Variants in USP9X observed in about 807,000 individuals in gnomAD.
The protein encoded by USP9X is ubiquitin specific peptidase 9 X-linked.
A neutral mutation model predicts 190.3 loss-of-function variants in USP9X; 7 were observed. That is an observed-to-expected ratio of 0.04 (90% confidence interval 0.02 to 0.07). The LOEUF is 0.07. Ranked by LOEUF, USP9X falls within the 10% of genes least tolerant of loss-of-function variation. The pLI, the probability that USP9X is intolerant of heterozygous loss-of-function variation, is 1.00. For synonymous variants in USP9X, 645 were observed against 659.5 expected (o/e 0.98, Z 0.34); for missense variants, 1,010 against 1,916.9 (o/e 0.53, Z 8.83).
At chrX:41,157,264 T>C (rs949238367) in intron 14 of USP9X, among the ~76,000 whole-genome samples, 4 of 110,018 alleles carry the variant, frequency 3.6e-5, no homozygotes, top group African/African-American at 1.3e-4. Flanking sequence ...CTTGCTGGAG[T>C]GATTGAGAAG....
At chrX:41,091,308 G>T (rs1216759872) in intron 1 of USP9X, among the ~76,000 whole-genome samples, 2 of 111,728 alleles carry the variant, frequency 1.8e-5, no homozygotes, top group Non-Finnish European at 3.8e-5. Flanking sequence ...TGGCATACTG[G>T]CTTTAGGAAT....
intron 11 of USP9X, 49 bp from the exon 12 acceptor site, chrX:41,148,320 A>G: frequency 1.7e-6 from 2 of 1,163,390 alleles, no homozygotes; most frequent in South Asian, 1.8e-5. Flanking sequence ...CAATTTATGA[A>G]GTGGTGACTA....
At chrX:41,140,430 AG>A (rs2062412644) in intron 6 of USP9X, among the ~76,000 whole-genome samples, 1 of 111,630 alleles carries the variant, frequency 9.0e-6, no homozygotes, top group Non-Finnish European at 1.9e-5. Context: ...ACATTGGTAC[AG>A]ACAGACAGAA....
chrX:41,191,972 A>C (rs1028443120), intron 26 of USP9X, among the ~76,000 whole-genome samples: 2 of 110,841 alleles, frequency 1.8e-5, no homozygotes, highest in African/African-American at 6.6e-5. Context: ...CTTTTACTTC[A>C]TGTGTCTTTG....
chrX:41,193,728 T>G (rs190995172), intron 26 of USP9X, among the ~76,000 whole-genome samples: 41 of 110,999 alleles, frequency 3.7e-4, no homozygotes, highest in African/African-American at 1.3e-3. Flanking sequence ...GTCAGGAGGC[T>G]GAGGTGGGAA....
intron 1 of USP9X, among the ~76,000 whole-genome samples, chrX:41,107,856 T>G (rs763684284): frequency 2.7e-5 from 3 of 112,345 alleles, no homozygotes; most frequent in Non-Finnish European, 5.6e-5. Flanking sequence ...TGTTGTTAAA[T>G]TCTGTTAGTC....
At chrX:41,106,724 T>G (rs1373796852) in intron 1 of USP9X, among the ~76,000 whole-genome samples, 1 of 107,347 alleles carries the variant, frequency 9.3e-6, no homozygotes, top group Non-Finnish European at 1.9e-5. Flanking sequence ...AGAGATGGGG[T>G]TTTGCCATGT....
chrX:41,103,516 G>T (rs2062048990), intron 1 of USP9X, among the ~76,000 whole-genome samples: 1 of 111,522 alleles, frequency 9.0e-6, no homozygotes, highest in African/African-American at 3.3e-5. Context: ...TATGATGGTG[G>T]TATAGCCATG....
At position 41,099,456 on chromosome X, in the gene USP9X, T is replaced by A. The variant is rs987076056; in HGVS notation, c.-159+13347T>A. 2.7e-5 allele frequency among the ~76,000 whole-genome samples: 3 copies of A among 111,073 alleles called. No individual in the cohort carries two copies. The Admixed American group carries it at 2.9e-4, about 11-fold the overall frequency. Reference sequence around the variant, plus strand: ...TCCTACTAGCAGTAGGTCGTGTTGCTCTTCCTTATCAATACTTAGTATTAT... The same window carrying A: ...TCCTACTAGCAGTAGGTCGTGTTGCACTTCCTTATCAATACTTAGTATTAT... On this transcript the variant is annotated intron_variant, in intron 1 of 44. Transcript: ENST00000378308.
Position 41,092,692 on chromosome X carries a change from G to GGT in USP9X, c.-159+6595_-159+6596dup, listed in dbSNP as rs201979786. Among the ~76,000 whole-genome samples, 31 of 110,606 alleles carry GGT rather than the reference G, an allele frequency of 2.8e-4. No individual in the cohort carries two copies. The South Asian group carries it at 0.012, about 42-fold the overall frequency. On this transcript the variant is annotated intron_variant, in intron 1 of 44. Transcript: ENST00000378308. ...TTAGGTCTAATGAGAAAAACAATTT[G>GGT]GTGTGTGTGTGTGGAGGGGAGGTAA... is the stretch of plus-strand genomic sequence containing the variant.
intron 12 of USP9X, 87 bp downstream of exon 12, chrX:41,148,662 C>T: frequency 1.1e-6 from 1 of 901,525 alleles, no homozygotes; most frequent in Non-Finnish European, 1.6e-6. Context: ...GTTACTCTGA[C>T]ATTGTTAGTT....
chrX:41,097,458 T>A (rs2061999923), intron 1 of USP9X, among the ~76,000 whole-genome samples: 2 of 111,594 alleles, frequency 1.8e-5, no homozygotes, highest in East Asian at 2.8e-4. Flanking sequence ...CTCAGGATGC[T>A]TTTATACTCT....
intron 44 of USP9X, among the ~76,000 whole-genome samples, chrX:41,231,731 CAA>C (rs750438773): frequency 2.9e-4 from 14 of 47,917 alleles, no homozygotes; most frequent in African/African-American, 2.1e-4. Context: ...ACTCCCATCT[CAA>C]AAAAAAAAAA....
intron 14 of USP9X, among the ~76,000 whole-genome samples, chrX:41,158,869 C>T (rs1037037357): frequency 2.7e-5 from 3 of 111,784 alleles, no homozygotes; most frequent in African/African-American, 9.8e-5. Flanking sequence ...GCAGAAAAAG[C>T]ATTTGTCCAA....
At chrX:41,131,402 G>A in intron 3 of USP9X, 55 bp from the exon 4 acceptor site, 3 of 956,612 alleles carry the variant, frequency 3.1e-6, no homozygotes, top group Non-Finnish European at 4.4e-6. Flanking sequence ...CTCATTTGTA[G>A]TGCCTCTTTT....
At chrX:41,094,335 C>A (rs2061974690) in intron 1 of USP9X, among the ~76,000 whole-genome samples, 1 of 109,420 alleles carries the variant, frequency 9.1e-6, no homozygotes, top group African/African-American at 3.3e-5. Context: ...TGCCACTATA[C>A]CCGGCTAATT....
At chrX:41,121,803 T>C (rs2062192092) in intron 1 of USP9X, among the ~76,000 whole-genome samples, 1 of 111,606 alleles carries the variant, frequency 9.0e-6, no homozygotes, top group African/African-American at 3.3e-5. Context: ...CATCAGTGTT[T>C]TAAACAAAAT....
chrX:41,129,951 AAAG>A (rs2062293677), intron 3 of USP9X, among the ~76,000 whole-genome samples: 1 of 112,081 alleles, frequency 8.9e-6, no homozygotes, highest in African/African-American at 3.2e-5. Flanking sequence ...TGCATTAAAA[AAAG>A]AAATCTAAAT....
intron 13 of USP9X, among the ~76,000 whole-genome samples, chrX:41,151,303 C>T (rs971046343): frequency 9.0e-6 from 1 of 110,857 alleles, no homozygotes; most frequent in Non-Finnish European, 1.9e-5. Flanking sequence ...GTTCTTGGTT[C>T]AGAATTATTA....
Sources: allele counts gnomAD v4.1 joint callset (sites outside exome capture counted in the v4.1 genomes callset), GRCh38; gene constraint gnomAD v4.1.1; transcripts MANE v1.5; gene names NCBI Gene and HGNC (gene_info 2026-07-23, HGNC 2026-07-21).